Variants in AP2A1 observed in about 807,000 individuals in gnomAD.
The protein encoded by AP2A1 is AP-2 complex subunit alpha-1.
A neutral mutation model predicts 107.3 loss-of-function variants in AP2A1; 21 were observed. That is an observed-to-expected ratio of 0.20 (90% CI 0.14 to 0.28). The LOEUF (loss-of-function observed/expected upper bound fraction) is 0.28, where lower values mean the gene tolerates loss of function less well. Among genes scored for constraint, AP2A1 ranks in the 10% least tolerant of loss-of-function variants. The pLI, the probability that AP2A1 is intolerant of heterozygous loss-of-function variation, is 1.00. For missense variants in AP2A1, 873 were observed against 1,307.7 expected (o/e 0.67, Z 5.13); for synonymous variants, 602 against 564.8 (o/e 1.07, Z -0.93).
chr19:49,791,096 G>T (rs1418941093), intron 4 of AP2A1, among the ~76,000 whole-genome samples: 1 of 152,216 alleles, frequency 6.6e-6, no homozygotes, highest in African/African-American at 2.4e-5. Context: ...AGGCCTCCTT[G>T]CTGCTCCTCC....
chr19:49,802,766 A>G, intron 15 of AP2A1, 183 bp from the exon 16 acceptor site: 1 of 1,004,220 alleles, frequency 1.0e-6, no homozygotes. Flanking sequence ...GGCACGGGCC[A>G]GGGTTCTATT....
At chr19:49,784,503 A>G (rs1411489409) in intron 4 of AP2A1, among the ~76,000 whole-genome samples, 1 of 152,236 alleles carries the variant, frequency 6.6e-6, no homozygotes, top group Non-Finnish European at 1.5e-5. Flanking sequence ...AAAGAAGTAT[A>G]TTTCATATGT....
chr19:49,784,501 A>G (rs2084714994), intron 4 of AP2A1, among the ~76,000 whole-genome samples: 1 of 152,248 alleles, frequency 6.6e-6, no homozygotes, highest in South Asian at 2.1e-4. Flanking sequence ...TAAAAGAAGT[A>G]TATTTCATAT....
At position 49,807,029 on chromosome 19, in the gene AP2A1, A is replaced by AC; in HGVS notation, c.*275dup. The stretch of plus-strand genomic sequence containing the variant: ...GGAAGTGGATGTCTCCTCCCCTCCC[A>AC]CCCCACCCTGTTGTAGCCCCTCCTA... On this transcript the variant is annotated 3_prime_UTR_variant, in exon 23 of 23. Coordinates refer to ENST00000354293, the MANE Select transcript of AP2A1 (RefSeq NM_130787.3). The AC allele has an allele frequency of 1.9e-6, 1 of 524,990 alleles. No individual in the cohort carries two copies. Among genetic ancestry groups the AC allele is most frequent in the Non-Finnish European group, 2.7e-6 (1 of 374,692 alleles). The allele number at this position is 524,990 out of a possible 1,614,324, so 32.5% of individuals were successfully genotyped here. A position where few individuals can be genotyped will look rare whatever the true frequency, so the allele number is the denominator to read the frequency against.
At position 49,773,417 on chromosome 19, in the gene AP2A1, C is replaced by CA. The variant is rs559885673; in HGVS notation, c.67+6218dup. 8.5e-5 allele frequency among the ~76,000 whole-genome samples: 13 copies of CA among 152,320 alleles called. 1 individual carries two copies. The South Asian group carries it at 2.7e-3, about 32-fold the overall frequency. The stretch of plus-strand genomic sequence containing the variant: ...TCCACTGCAGTGGTGACATCGAGCC[C>CA]AGGCCCTGGGTCTCACTCCAGCTTT... On this transcript the variant is annotated intron_variant, in intron 1 of 22. Transcript: ENST00000354293.
At position 49,795,636 on chromosome 19, in the gene AP2A1, T is replaced by G; in HGVS notation, c.712T>G (p.Ser238Ala). Residue 238 changes from serine (S) to alanine (A), a missense_variant, in exon 7 of 23, where the codon TCC (serine) becomes GCC (alanine). Transcript: ENST00000354293. The part of the protein sequence containing the change: ...LAVSRLSRIV[S>A]SASTDLQDYT... Reference sequence around the variant, plus strand: ...TCTTGCTCTTCCCCGCCAGATCGTCTCCTCTGCCTCCACCGACCTCCAGGA... The same window carrying G: ...TCTTGCTCTTCCCCGCCAGATCGTCGCCTCTGCCTCCACCGACCTCCAGGA... 1 of 1,358,766 alleles carries G rather than the reference T, an allele frequency of 7.4e-7. No homozygotes were observed. The highest frequency in any genetic ancestry group is 9.7e-7 in the Non-Finnish European group (1 of 1,025,670). 84.2% of individuals were successfully genotyped at this position (1,358,766 alleles called of 1,614,324 possible). A position where few individuals can be genotyped will look rare whatever the true frequency, so the allele number is the denominator to read the frequency against.
intron 18 of AP2A1, chr19:49,804,638 C>G (rs2073337775): frequency 6.6e-6 from 1 of 152,210 alleles, no homozygotes. Flanking sequence ...CCCAGGCCTT[C>G]CCAGTGGGCT....
intron 7 of AP2A1, chr19:49,795,977 C>G: frequency 1.9e-6 from 1 of 537,622 alleles, no homozygotes; most frequent in Non-Finnish European, 3.3e-6. Flanking sequence ...CCCTGCTACC[C>G]GGGCTCTCAC....
chr19:49,788,568 G>A lies in AP2A1; in HGVS notation c.474-3367G>A, dbSNP rs746865330. On this transcript the variant is annotated intron_variant, in intron 4 of 22. Coordinates refer to ENST00000354293, the MANE Select transcript of AP2A1 (RefSeq NM_130787.3). The surrounding 1 kb of genome is among the most constrained non-coding windows in gnomAD (Gnocchi z 4.5). ...CCCAGAGTCAGGGCTCGGGAGATGC[G>A]CTGTGGCTCAGGAGATGTGCGCCGT... Among the ~76,000 whole-genome samples, 9 of 150,560 alleles carry A rather than the reference G, an allele frequency of 6.0e-5. No individual in the cohort carries two copies. The highest frequency in any genetic ancestry group is 1.0e-4 in the Non-Finnish European group (7 of 67,690).
At chr19:49,787,338 G>GTTTTTTTTTTTTTTTTTTTTTTT (rs1418425703) in intron 4 of AP2A1, among the ~76,000 whole-genome samples, 1 of 89,732 alleles carries the variant, frequency 1.1e-5, no homozygotes, top group Non-Finnish European at 2.1e-5. Flanking sequence ...TTTTTTGTTT[G>GTTTTTTTTTTTTTTTTTTTTTTT]TTTTTTTTGT....
rs201965025 is a variant in AP2A1 at position 49,801,495 on chromosome 19, C to A, written c.1659C>A (p.Pro553=). The change falls in exon 13 of 23, where the codon CCC becomes CCA. Residue 553 remains proline, a synonymous_variant. Coordinates refer to ENST00000354293, the MANE Select transcript of AP2A1 (RefSeq NM_130787.3). ...STYIKFINLF[P]ETKATIQGVL... is the part of the protein sequence containing the mutation. ...ACATCAAGTTCATCAACCTCTTCCC[C>A]GAGACCAAGGCCACCATCCAGGGCG... The A allele has an allele frequency of 6.2e-7, 1 of 1,613,798 alleles. No homozygotes were observed. Among genetic ancestry groups the A allele is most frequent in the East Asian group, 2.2e-5 (1 of 44,858 alleles).
intron 1 of AP2A1, among the ~76,000 whole-genome samples, chr19:49,776,810 G>A (rs2084621624): frequency 1.3e-5 from 2 of 152,132 alleles, no homozygotes; most frequent in African/African-American, 2.4e-5. Flanking sequence ...CTCCCTTTGG[G>A]GCCACAACTG....
At chr19:49,776,610 T>C (rs2084619783) in intron 1 of AP2A1, among the ~76,000 whole-genome samples, 1 of 147,266 alleles carries the variant, frequency 6.8e-6, no homozygotes, top group African/African-American at 2.5e-5. Context: ...GCTTGCCTCC[T>C]GTGACAGTGA....
chr19:49,789,105 G>T (rs2073110376), intron 4 of AP2A1, among the ~76,000 whole-genome samples: 2 of 152,200 alleles, frequency 1.3e-5, no homozygotes, highest in South Asian at 4.1e-4. Context: ...TGCACATCCA[G>T]TGAGACATGC....
intron 2 of AP2A1, 24 bp downstream of exon 2, chr19:49,781,849 G>C (rs2084679629): frequency 6.2e-7 from 1 of 1,610,744 alleles, no homozygotes. Flanking sequence ...CCAACTTCTG[G>C]TTCTGAGGGA....
intron 8 of AP2A1, 24 bp from the exon 9 acceptor site, chr19:49,799,303 C>T (rs1365196534): frequency 1.2e-6 from 2 of 1,605,034 alleles, no homozygotes; most frequent in Middle Eastern, 1.7e-4. Context: ...CTCACCATCC[C>T]TCTCTTGTGG....
At chr19:49,783,750 G>A (rs1468315060) in intron 4 of AP2A1, among the ~76,000 whole-genome samples, 2 of 152,204 alleles carry the variant, frequency 1.3e-5, no homozygotes, top group African/African-American at 4.8e-5. Context: ...CAGCCTCTGG[G>A]AACAGAAGAC....
Position 49,767,193 on chromosome 19 carries a change from C to T in AP2A1, c.60C>T (p.Ile20=). 6.2e-7 allele frequency: 1 copy of T among 1,611,888 alleles called. No individual in the cohort carries two copies. The highest frequency in any genetic ancestry group is 8.5e-7 in the Non-Finnish European group (1 of 1,179,724). ...GGCTCGCGGTGTTCATCTCCGACAT[C>T]CGGAACTGTGAGCGCGCGGCCGGGG... ...MRGLAVFISD[I]RNCKSKEAEI... is the part of the protein sequence containing the mutation. The change falls in exon 1 of 23, where the codon ATC becomes ATT. Residue 20 remains isoleucine (I), a synonymous_variant. Transcript: ENST00000354293.
At position 49,805,728 on chromosome 19, in the gene AP2A1, A is replaced by G. The variant is rs753079150; in HGVS notation, c.2536A>G (p.Thr846Ala). ...GACCATCAACAAGTTCTTCCAGCCC[A>G]CCGAGATGGCGGCCCAGGATTTCTT... ...PVTINKFFQPTEMAAQDFFQR... is the reference protein window; with the variant it reads ...PVTINKFFQPAEMAAQDFFQR... The change falls in exon 20 of 23, where the codon ACC (threonine) becomes GCC (alanine). Residue 846 changes from threonine to alanine, a missense_variant. Transcript: ENST00000354293. 1 of 1,539,992 alleles carries G rather than the reference A, an allele frequency of 6.5e-7. No homozygotes were observed. Among genetic ancestry groups the G allele is most frequent in the Non-Finnish European group, 8.8e-7 (1 of 1,141,584 alleles).
Sources: allele counts gnomAD v4.1 joint callset (sites outside exome capture counted in the v4.1 genomes callset), GRCh38; gene constraint gnomAD v4.1.1; non-coding constraint Gnocchi (gnomAD v3.1); transcripts MANE v1.5; gene names NCBI Gene and HGNC (gene_info 2026-07-23, HGNC 2026-07-21).